The following PIP5K1B variants were observed in gnomAD, a reference collection of about 807,000 sequenced individuals.
PIP5K1B encodes the protein phosphatidylinositol 4-phosphate 5-kinase type-1 beta.
PIP5K1B carries 42 observed loss-of-function variants against 67.0 expected under a neutral mutation model. The ratio of observed to expected loss-of-function variants is 0.63; its 90% CI spans 0.49 to 0.81. The LOEUF (loss-of-function observed/expected upper bound fraction) is 0.81. Among genes scored for constraint, PIP5K1B ranks in the 30% least tolerant of loss-of-function variants. The pLI, the probability that PIP5K1B is intolerant of heterozygous loss-of-function variation, is 0.00. For missense variants in PIP5K1B, 459 were observed against 646.3 expected, an observed-to-expected ratio of 0.71 and a Z score of 3.14; for synonymous variants, 214 against 231.4, an observed-to-expected ratio of 0.92 and a Z score of 0.68.
intron 6 of PIP5K1B, among the ~76,000 whole-genome samples, chr9:68,885,786 A>G (rs553566300): frequency 1.3e-5 from 2 of 152,328 alleles, no homozygotes; most frequent in Admixed American, 1.3e-4. Context: ...CCACCACTAT[A>G]CAATTAATCC....
intron 15 of PIP5K1B, among the ~76,000 whole-genome samples, chr9:68,991,976 T>TGG (rs199887177): frequency 1.5e-4 from 23 of 150,512 alleles, no homozygotes; most frequent in South Asian, 4.2e-4. Context: ...AAAATTTTTT[T>TGG]TGGGGGGGGG....
At chr9:68,847,044 T>C (rs10869404) in intron 4 of PIP5K1B, among the ~76,000 whole-genome samples, 121,261 of 152,018 alleles carry the variant, frequency 0.8, 48,410 homozygotes, top group Admixed American at 0.85. Context: ...ATTTTTTTCT[T>C]TTTGTTTGGG....
chr9:68,879,654 T>A (rs1824072403), intron 6 of PIP5K1B, among the ~76,000 whole-genome samples: 1 of 152,172 alleles, frequency 6.6e-6, no homozygotes, highest in South Asian at 2.1e-4. Context: ...ACATGGTGAC[T>A]ATAGGTAATA....
intron 2 of PIP5K1B, among the ~76,000 whole-genome samples, chr9:68,800,158 G>A (rs532227480): frequency 2.0e-5 from 3 of 152,310 alleles, no homozygotes; most frequent in South Asian, 2.1e-4. Context: ...TGAAAATAGT[G>A]ATGGTGAAGG....
At chr9:68,960,792 G>A (rs1828686806) in intron 14 of PIP5K1B, among the ~76,000 whole-genome samples, 1 of 152,020 alleles carries the variant, frequency 6.6e-6, no homozygotes, top group South Asian at 2.1e-4. Flanking sequence ...GGGTTTTTTG[G>A]CATTTTCTAA....
At position 68,908,990 on chromosome 9, in the gene PIP5K1B, G is replaced by T. The variant is rs1564223830; in HGVS notation, c.772-8558G>T. Among the ~76,000 whole-genome samples the T allele has an allele frequency of 2.0e-5, 3 of 152,154 alleles. No homozygotes were observed. In the South Asian group the frequency reaches 6.2e-4, roughly 32 times the overall value. On this transcript the variant is annotated intron_variant, in intron 8 of 15. Coordinates refer to ENST00000265382, the MANE Select transcript of PIP5K1B (RefSeq NM_003558.4). ...GTTATTTTGCAGATCTTCCATCAAA[G>T]ATTGATCAAGTGAGATGGAACATAG...
intron 2 of PIP5K1B, among the ~76,000 whole-genome samples, chr9:68,808,114 C>G (rs2132013796): frequency 6.6e-6 from 1 of 152,322 alleles, no homozygotes; most frequent in Middle Eastern, 3.4e-3. Flanking sequence ...GGGAGAGTCA[C>G]TTGAGCCTGG....
chr9:68,998,947 A>G (rs1222383081), intron 15 of PIP5K1B, among the ~76,000 whole-genome samples: 1 of 152,184 alleles, frequency 6.6e-6, no homozygotes, highest in Admixed American at 6.5e-5. Context: ...ATCACAAATG[A>G]CCACAGACAG....
chr9:68,909,479 C>G (rs1825758968), intron 8 of PIP5K1B, among the ~76,000 whole-genome samples: 1 of 151,470 alleles, frequency 6.6e-6, no homozygotes, highest in Non-Finnish European at 1.5e-5. Context: ...CATCAAATGT[C>G]AGTGTTCAAA....
intron 4 of PIP5K1B, among the ~76,000 whole-genome samples, chr9:68,863,166 C>T (rs2061614095): frequency 1.3e-5 from 2 of 152,096 alleles, no homozygotes; most frequent in Non-Finnish European, 2.9e-5. Flanking sequence ...GACGTAATGC[C>T]ACCACCTCCA....
At chr9:68,736,826 G>A (rs902533503) in intron 1 of PIP5K1B, among the ~76,000 whole-genome samples, 3 of 152,124 alleles carry the variant, frequency 2.0e-5, no homozygotes, top group East Asian at 1.9e-4. Flanking sequence ...ATTACATCTC[G>A]AAGATTCCTT....
intron 6 of PIP5K1B, among the ~76,000 whole-genome samples, chr9:68,883,858 GTCAA>G (rs1824323397): frequency 6.6e-6 from 1 of 151,730 alleles, no homozygotes; most frequent in Non-Finnish European, 1.5e-5. Flanking sequence ...ACACCCTATA[GTCAA>G]TAGACTTTTG....
chr9:68,961,472 C>A (rs1828744139), intron 14 of PIP5K1B, among the ~76,000 whole-genome samples: 1 of 152,144 alleles, frequency 6.6e-6, no homozygotes, highest in African/African-American at 2.4e-5. Context: ...AAAACTATTT[C>A]AAACAAGAAG....
intron 2 of PIP5K1B, among the ~76,000 whole-genome samples, chr9:68,762,121 G>A (rs1830211363): frequency 6.6e-6 from 1 of 152,054 alleles, no homozygotes; most frequent in South Asian, 2.1e-4. Flanking sequence ...ACAATCTCCA[G>A]CTATTTCTTA....
chr9:68,986,960 T>A (rs955287808), intron 14 of PIP5K1B, among the ~76,000 whole-genome samples: 48 of 152,094 alleles, frequency 3.2e-4, no homozygotes, highest in African/African-American at 1.1e-3. Context: ...TAAAAAAAAA[T>A]AAATTTTGGA....
At position 68,724,053 on chromosome 9, in the gene PIP5K1B, T is replaced by C. The variant is rs558995318; in HGVS notation, c.-243+18291T>C. Among the ~76,000 whole-genome samples the C allele has an allele frequency of 2.0e-5, 3 of 152,222 alleles. No individual in the cohort carries two copies. The South Asian group carries it at 6.2e-4, about 32-fold the overall frequency. On this transcript the variant is annotated intron_variant, in intron 1 of 15. Coordinates refer to ENST00000265382, the MANE Select transcript of PIP5K1B (RefSeq NM_003558.4). ...ATTTTGAGTTGATTTTTGTATATGG[T>C]AAAAGATAGGTATCTAGTTTTATTC...
At position 68,980,079 on chromosome 9, in the gene PIP5K1B, C is replaced by T. The variant is rs79609769; in HGVS notation, c.1503-11061C>T. Among the ~76,000 whole-genome samples the T allele has an allele frequency of 8.3e-3, 1,258 of 152,270 alleles. 16 individuals carry two copies. Among genetic ancestry groups the T allele is most frequent in the South Asian group, 0.064 (308 of 4,828 alleles). On this transcript the variant is annotated intron_variant, in intron 14 of 15. Transcript: ENST00000265382. ...AGCCAAGGGCTGAGCATGAAGGAGC[C>T]GCTCTGTCCTGGCAGGAGCATGAGA... is the stretch of plus-strand genomic sequence containing the variant.
chr9:68,743,424 A>T (rs1829117373), intron 2 of PIP5K1B, among the ~76,000 whole-genome samples: 2 of 152,112 alleles, frequency 1.3e-5, no homozygotes, highest in Non-Finnish European at 2.9e-5. Flanking sequence ...TCTGGTTTCA[A>T]ACTCCTGGGC....
intron 15 of PIP5K1B, among the ~76,000 whole-genome samples, chr9:69,008,137 C>T (rs1384141261): frequency 1.3e-5 from 2 of 152,162 alleles, no homozygotes; most frequent in African/African-American, 4.8e-5. Context: ...CAGCACATCC[C>T]CTCATCCCTG....
Sources: allele counts gnomAD v4.1 joint callset (sites outside exome capture counted in the v4.1 genomes callset), GRCh38; gene constraint gnomAD v4.1.1; transcripts MANE v1.5; gene names NCBI Gene and HGNC (gene_info 2026-07-23, HGNC 2026-07-21).